CREB3L1: variants seen among roughly 807,000 people sequenced by gnomAD.
CREB3L1 encodes the protein cAMP responsive element binding protein 3 like 1, also known as cyclic AMP-responsive element-binding protein 3-like protein 1.
A neutral mutation model predicts 54.5 loss-of-function variants in CREB3L1; 33 were observed. The ratio of observed to expected loss-of-function variants is 0.61; its 90% CI spans 0.46 to 0.81. CREB3L1 has a LOEUF of 0.81. CREB3L1 is among the 30% of genes least tolerant of loss of function. The probability of loss-of-function intolerance (pLI) is 0.00; values close to 1 mark genes in which losing one functional copy is unlikely to be tolerated. For synonymous variants in CREB3L1, 284 were observed against 286.4 expected, an observed-to-expected ratio of 0.99 and a Z score of 0.08; for missense variants, 656 against 673.3, an observed-to-expected ratio of 0.97 and a Z score of 0.29.
intron 1 of CREB3L1, among the ~76,000 whole-genome samples, chr11:46,280,306 G>GCGTCC (rs749031313): frequency 1.3e-5 from 2 of 151,352 alleles, no homozygotes; most frequent in Non-Finnish European, 2.9e-5. Context: ...TCCTGTCTCA[G>GCGTCC]CGTCCCGAGT....
chr11:46,297,292 C>T (rs1335553889), intron 1 of CREB3L1, among the ~76,000 whole-genome samples: 1 of 152,222 alleles, frequency 6.6e-6, no homozygotes, highest in Non-Finnish European at 1.5e-5. Context: ...TTCTTAGAAA[C>T]TCATTCAGCT....
chr11:46,285,781 C>G (rs745886758), intron 1 of CREB3L1, among the ~76,000 whole-genome samples: 2 of 152,104 alleles, frequency 1.3e-5, no homozygotes, highest in African/African-American at 4.8e-5. Flanking sequence ...ATGTGCGGTC[C>G]GACATAACAG....
At chr11:46,294,822 C>T (rs1939180690) in intron 1 of CREB3L1, among the ~76,000 whole-genome samples, 1 of 150,732 alleles carries the variant, frequency 6.6e-6, no homozygotes, top group Non-Finnish European at 1.5e-5. Context: ...AGTAACCGTC[C>T]GGGAATGCAT....
At chr11:46,286,521 G>C (rs1448217517) in intron 1 of CREB3L1, among the ~76,000 whole-genome samples, 2 of 152,176 alleles carry the variant, frequency 1.3e-5, no homozygotes, top group South Asian at 4.1e-4. Context: ...ACTCAGGGCC[G>C]GGCATGGTGG....
chr11:46,295,537 C>T lies in CREB3L1; in HGVS notation c.103-4398C>T, dbSNP rs1234928043. On this transcript the variant is annotated intron_variant, in intron 1 of 11. Transcript: ENST00000621158. The surrounding 1 kb of genome is among the most constrained non-coding windows in gnomAD (Gnocchi z 4.6). ...AGACGCAGAAGGGGTCCCATGCAGG[C>T]CCGAGCCAGTGCACCCTGCGCTCCC... is the stretch of plus-strand genomic sequence containing the variant. 1.3e-5 allele frequency among the ~76,000 whole-genome samples: 2 copies of T among 152,198 alleles called. No individual in the cohort carries two copies. The highest frequency in any genetic ancestry group is 4.8e-5 in the African/African-American group (2 of 41,454).
chr11:46,320,866 G>A lies in CREB3L1; in HGVS notation c.*120G>A, dbSNP rs1939641512. The A allele has an allele frequency of 9.2e-7, 1 of 1,082,004 alleles. No individual in the cohort carries two copies. The highest frequency in any genetic ancestry group is 1.3e-5 in the South Asian group (1 of 74,800). 67.0% of individuals were successfully genotyped at this position (1,082,004 alleles called of 1,614,324 possible). Reference sequence around the variant, plus strand: ...TGGAGCTTCCCATTCCAGGAGAAAAGGCTCCACTTCCCAGCCCTTCCTTGC... The same window carrying A: ...TGGAGCTTCCCATTCCAGGAGAAAAAGCTCCACTTCCCAGCCCTTCCTTGC... On this transcript the variant is annotated 3_prime_UTR_variant, in exon 12 of 12. Coordinates refer to ENST00000621158, the MANE Select transcript of CREB3L1 (RefSeq NM_052854.4).
chr11:46,314,784 T>C (rs1939541705), intron 8 of CREB3L1, among the ~76,000 whole-genome samples: 1 of 151,852 alleles, frequency 6.6e-6, no homozygotes, highest in Non-Finnish European at 1.5e-5. Context: ...CTCGGCTCAC[T>C]GCAACCTCCG....
intron 1 of CREB3L1, among the ~76,000 whole-genome samples, chr11:46,285,912 C>T (rs2136335927): frequency 6.6e-6 from 1 of 152,326 alleles, no homozygotes; most frequent in South Asian, 2.1e-4. Context: ...GGGTTTCAGG[C>T]AGTGATTGAC....
intron 3 of CREB3L1, among the ~76,000 whole-genome samples, chr11:46,308,938 G>A (rs926807393): frequency 9.2e-5 from 14 of 152,350 alleles, no homozygotes; most frequent in African/African-American, 3.4e-4. Context: ...CCAGGGAAGA[G>A]GAGACTTCAG....
rs190065295 is a variant in CREB3L1, at chr11:46,310,188, C to T, written c.595+121C>T. On this transcript the variant is annotated intron_variant, in intron 4 of 11. Transcript: ENST00000621158. ...CCTTCCCCCACCCAGAATATCCTCT[C>T]CACCCTGCCCTACCCACTGTCCCTC... is the stretch of plus-strand genomic sequence containing the variant. 2.4e-3 allele frequency: 1,688 copies of T among 702,036 alleles called. 14 individuals carry two copies. The highest frequency in any genetic ancestry group is 0.013 in the Middle Eastern group (54 of 4,200). The allele number at this position is 702,036 out of a possible 1,614,324, so 43.5% of individuals were successfully genotyped here. A position where few individuals can be genotyped will look rare whatever the true frequency, so the allele number is the denominator to read the frequency against.
intron 1 of CREB3L1, among the ~76,000 whole-genome samples, chr11:46,297,034 C>T (rs188071027): frequency 3.7e-4 from 57 of 152,312 alleles, no homozygotes; most frequent in Non-Finnish European, 7.4e-4. Context: ...CCCTTATCGC[C>T]TGAGAAGCAG....
Position 46,321,000 on chromosome 11 carries a change from C to T in CREB3L1, c.*254C>T. ...AAACCACTCACTGGGTACCCCACCT[C>T]CTCTCTCATATGCCCAACACGACCA... On this transcript the variant is annotated 3_prime_UTR_variant, in exon 12 of 12. Transcript: ENST00000621158. The T allele has an allele frequency of 1.6e-6, 1 of 640,236 alleles. No individual in the cohort carries two copies. The highest frequency in any genetic ancestry group is 2.9e-6 in the Non-Finnish European group (1 of 347,990). The allele number at this position is 640,236 out of a possible 1,614,324, so 39.7% of individuals were successfully genotyped here.
At chr11:46,310,865 T>C (rs561500197) in intron 4 of CREB3L1, 167 bp from the exon 5 acceptor site, 1 of 1,033,686 alleles carries the variant, frequency 9.7e-7, no homozygotes, top group East Asian at 3.0e-5. Flanking sequence ...TCAACTGTCT[T>C]TCTGACCCTG....
chr11:46,308,145 A>G, intron 3 of CREB3L1, 145 bp downstream of exon 3: 1 of 709,084 alleles, frequency 1.4e-6, no homozygotes, highest in Non-Finnish European at 2.2e-6. Context: ...GCCCCCGCCC[A>G]GCCCAGGCCT....
intron 10 of CREB3L1, among the ~76,000 whole-genome samples, chr11:46,318,117 G>T (rs1171851705): frequency 6.6e-6 from 1 of 152,140 alleles, no homozygotes; most frequent in Admixed American, 6.5e-5. Flanking sequence ...CTTGAGAGGG[G>T]TGAGACAGGA....
At chr11:46,279,213 CTT>C (rs1020583912) in intron 1 of CREB3L1, among the ~76,000 whole-genome samples, 3 of 152,152 alleles carry the variant, frequency 2.0e-5, no homozygotes, top group African/African-American at 7.2e-5. Flanking sequence ...ACTTGAGACT[CTT>C]TACCTGCTGA....
In CREB3L1 at chr11:46,316,116, C is replaced by T. The variant is rs569597537; in HGVS notation, c.1032-170C>T. ...CAGTCACCATGAGGCAGGCCCCAGG[C>T]GCCAGGCCACTCTGCAGAGGAGCCA... is the stretch of plus-strand genomic sequence containing the variant. On this transcript the variant is annotated intron_variant, in intron 8 of 11. Transcript: ENST00000621158. 72 of 556,882 alleles carry T rather than the reference C, an allele frequency of 1.3e-4. 4 individuals are homozygous for T. The highest frequency in any genetic ancestry group is 5.1e-4 in the South Asian group (23 of 44,808). 34.5% of individuals were successfully genotyped at this position (556,882 alleles called of 1,614,324 possible).
intron 2 of CREB3L1, among the ~76,000 whole-genome samples, chr11:46,305,639 CAT>C (rs1225689708): frequency 1.5e-4 from 10 of 64,568 alleles, no homozygotes; most frequent in Non-Finnish European, 2.0e-4. Context: ...TATATATATA[CAT>C]ATATATGTGT....
intron 2 of CREB3L1, among the ~76,000 whole-genome samples, chr11:46,307,483 T>A (rs1939415673): frequency 1.3e-5 from 2 of 152,308 alleles, no homozygotes; most frequent in South Asian, 4.1e-4. Context: ...AACTTCTGTA[T>A]TAGGTACGTC....
Sources: gnomAD v4.1 joint callset for allele counts (sites outside exome capture counted in the v4.1 genomes callset) on GRCh38, gnomAD v4.1.1 for gene constraint, Gnocchi (gnomAD v3.1) non-coding constraint, MANE v1.5 for transcripts, NCBI Gene and HGNC (gene_info 2026-07-23, HGNC 2026-07-21) for gene names.